TCEANC2: variants seen among roughly 807,000 people sequenced by gnomAD.
TCEANC2 encodes transcription elongation factor A N-terminal and central domain containing 2.
A neutral mutation model predicts 22.8 loss-of-function variants in TCEANC2; 20 were observed. The observed-to-expected ratio is 0.88, with a 90% confidence interval of 0.62 to 1.28. The LOEUF (loss-of-function observed/expected upper bound fraction) is 1.28. Among genes scored for constraint, TCEANC2 ranks in the 50% most tolerant of loss-of-function variants. TCEANC2 has a pLI of 0.00. For synonymous variants in TCEANC2, 84 were observed against 95.5 expected (o/e 0.88, Z 0.70); for missense variants, 251 against 249.7 (o/e 1.01, Z -0.03).
downstream of TCEANC2, among the ~76,000 whole-genome samples, chr1:54,109,269 A>G (rs561773339): frequency 1.3e-5 from 2 of 152,330 alleles, no homozygotes; most frequent in African/African-American, 4.8e-5. Flanking sequence ...GTGGCATTCC[A>G]GGTACAAGGA....
intron 3 of TCEANC2, among the ~76,000 whole-genome samples, chr1:54,074,790 C>A (rs1658117512): frequency 6.6e-6 from 1 of 151,964 alleles, no homozygotes; most frequent in Non-Finnish European, 1.5e-5. Context: ...AGGTTAGGGG[C>A]AGAAGCTTGA....
At chr1:54,084,769 C>T (rs1658308932) in intron 3 of TCEANC2, among the ~76,000 whole-genome samples, 1 of 150,292 alleles carries the variant, frequency 6.7e-6, no homozygotes, top group South Asian at 2.1e-4. Flanking sequence ...AAAACTCCGT[C>T]TAAAAAAAAA....
intron 3 of TCEANC2, among the ~76,000 whole-genome samples, chr1:54,071,560 G>A (rs1428042459): frequency 1.3e-5 from 2 of 152,096 alleles, no homozygotes; most frequent in East Asian, 1.9e-4. Context: ...TGGAAGCCAC[G>A]GTCTTTTATA....
chr1:54,066,596 G>A (rs1657960310), intron 2 of TCEANC2, among the ~76,000 whole-genome samples: 1 of 152,192 alleles, frequency 6.6e-6, no homozygotes, highest in Admixed American at 6.5e-5. Flanking sequence ...TAGGGGAATA[G>A]TTTTAAAATT....
Position 54,112,243 on chromosome 1 carries a change from G to T in TCEANC2, n.2262G>T, listed in dbSNP as rs372530314. On this transcript the variant is annotated non_coding_transcript_exon_variant, in exon 5 of 5. Transcript: ENST00000498272. The stretch of plus-strand genomic sequence containing the variant: ...TAGCCAGGCATGGTGGCGTGCACCT[G>T]TAGTCCCAGCCACTAGGGAGGCTGA... 5.4e-4 allele frequency: 82 copies of T among 152,226 alleles called. 1 individual carries two copies. The highest frequency in any genetic ancestry group is 1.8e-3 in the African/African-American group (76 of 41,524). The allele number at this position is 152,226 out of a possible 1,614,324, so 9.4% of individuals were successfully genotyped here.
chr1:54,104,057 G>A lies in TCEANC2; in HGVS notation c.*7584G>A, dbSNP rs1658704228. 6.6e-6 allele frequency: 1 copy of A among 152,238 alleles called. No homozygotes were observed. Among genetic ancestry groups the A allele is most frequent in the Non-Finnish European group, 1.5e-5 (1 of 68,074 alleles). The allele number at this position is 152,238 out of a possible 1,614,324, so 9.4% of individuals were successfully genotyped here. A position where few individuals can be genotyped will look rare whatever the true frequency, so the allele number is the denominator to read the frequency against. On this transcript the variant is annotated 3_prime_UTR_variant, in exon 5 of 5. Coordinates refer to ENST00000234827, the MANE Select transcript of TCEANC2 (RefSeq NM_153035.3). ...TGCAACTGTGTCGAAGGCACAGCTG[G>A]GGCACCAGCTCAGAAACCCTGAGAG...
rs1344013228 is a variant in TCEANC2, at chr1:54,099,804, T to C, written c.*3331T>C. 1 of 151,888 alleles carries C rather than the reference T, an allele frequency of 6.6e-6. No homozygotes were observed. The highest frequency in any genetic ancestry group is 1.5e-5 in the Non-Finnish European group (1 of 68,054). The allele number at this position is 151,888 out of a possible 1,614,324, so 9.4% of individuals were successfully genotyped here. On this transcript the variant is annotated 3_prime_UTR_variant, in exon 5 of 5. Transcript: ENST00000234827. ...GCCCCTGAAATGGGGTGAGAGTAGT[T>C]CCTGAGACCTCTGAGTTACCTGTAA... is the stretch of plus-strand genomic sequence containing the variant.
At chr1:54,054,609 G>A in intron 2 of TCEANC2, 85 bp downstream of exon 2, 2 of 1,362,622 alleles carry the variant, frequency 1.5e-6, no homozygotes, top group East Asian at 4.9e-5. Flanking sequence ...AAAGACCTAT[G>A]AATTATTTCT....
chr1:54,111,470 A>G (rs1269701728), exon 5 of TCEANC2: 1 of 152,168 alleles, frequency 6.6e-6, no homozygotes, highest in Non-Finnish European at 1.5e-5. Flanking sequence ...ACTACTCAGG[A>G]AGGTCAACTG....
At chr1:54,070,917 T>C (rs1658044335) in intron 3 of TCEANC2, among the ~76,000 whole-genome samples, 1 of 152,160 alleles carries the variant, frequency 6.6e-6, no homozygotes. Context: ...ATGTGATGAG[T>C]GCTCTGATGA....
chr1:54,060,599 A>G (rs1037998183), intron 2 of TCEANC2, among the ~76,000 whole-genome samples: 2 of 151,860 alleles, frequency 1.3e-5, no homozygotes, highest in African/African-American at 2.4e-5. Context: ...AGGAAAAATT[A>G]TATGTGATCC....
chr1:54,056,030 A>G (rs1657746093), intron 2 of TCEANC2, among the ~76,000 whole-genome samples: 1 of 152,166 alleles, frequency 6.6e-6, no homozygotes, highest in South Asian at 2.1e-4. Context: ...ATAACTGAAA[A>G]TGCCTTCTCA....
chr1:54,055,486 ATTC>A (rs1166488543), intron 2 of TCEANC2, among the ~76,000 whole-genome samples: 4 of 152,092 alleles, frequency 2.6e-5, no homozygotes, highest in Non-Finnish European at 5.9e-5. Flanking sequence ...TCTTTTACCA[ATTC>A]TTCTTCCTCC....
At chr1:54,086,833 G>A (rs1377241602) in intron 3 of TCEANC2, among the ~76,000 whole-genome samples, 2 of 152,234 alleles carry the variant, frequency 1.3e-5, no homozygotes, top group Admixed American at 1.3e-4. Flanking sequence ...CTTAGCTGGA[G>A]AGGTCAATCA....
In TCEANC2 at chr1:54,096,710, A is replaced by G; in HGVS notation, c.*237A>G. On this transcript the variant is annotated 3_prime_UTR_variant, in exon 5 of 5. Transcript: ENST00000234827. The surrounding 1 kb of genome is among the most constrained non-coding windows in gnomAD (Gnocchi z 4.9). ...AACAGAACGCACACTGGCTGTCACT[A>G]GGAAGCGCCATACGGTTGCTATCAC... 1 of 1,225,850 alleles carries G rather than the reference A, an allele frequency of 8.2e-7. No individual in the cohort carries two copies. The highest frequency in any genetic ancestry group is 2.8e-5 in the South Asian group (1 of 36,096). 75.9% of individuals were successfully genotyped at this position (1,225,850 alleles called of 1,614,324 possible).
At chr1:54,081,194 A>G (rs556295539) in intron 3 of TCEANC2, among the ~76,000 whole-genome samples, 1 of 152,314 alleles carries the variant, frequency 6.6e-6, no homozygotes, top group South Asian at 2.1e-4. Flanking sequence ...GAATTAATAT[A>G]TGTAAAGTGG....
chr1:54,087,059 A>G (rs560319910), intron 3 of TCEANC2, among the ~76,000 whole-genome samples: 77 of 152,346 alleles, frequency 5.1e-4, no homozygotes, highest in African/African-American at 1.7e-3. Context: ...CTGACTGGCT[A>G]TTGCTGACTT....
At chr1:54,084,782 A>AG (rs1317691615) in intron 3 of TCEANC2, among the ~76,000 whole-genome samples, 2 of 152,062 alleles carry the variant, frequency 1.3e-5, no homozygotes, top group Non-Finnish European at 2.9e-5. Context: ...AAAAAAAAAA[A>AG]GTGTTTAAAT....
At position 54,084,695 on chromosome 1, in the gene TCEANC2, C is replaced by G. The variant is rs534577538; in HGVS notation, c.245-3902C>G. On this transcript the variant is annotated intron_variant, in intron 3 of 4. Transcript: ENST00000234827. ...TGGCCAACATGGCAAAACCCCGTCT[C>G]TACTAAAAATACAAAAATTAGCCAG... is the stretch of plus-strand genomic sequence containing the variant. Among the ~76,000 whole-genome samples the G allele has an allele frequency of 1.6e-3, 245 of 152,130 alleles. 1 individual carries two copies. Among genetic ancestry groups the G allele is most frequent in the African/African-American group, 5.8e-3 (240 of 41,506 alleles).
Sources: allele counts gnomAD v4.1 joint callset (sites outside exome capture counted in the v4.1 genomes callset), GRCh38; gene constraint gnomAD v4.1.1; non-coding constraint Gnocchi (gnomAD v3.1); transcripts MANE v1.5; gene names NCBI Gene and HGNC (gene_info 2026-07-23, HGNC 2026-07-21).